PPA1: variants seen among roughly 807,000 people sequenced by gnomAD.
The protein encoded by PPA1 is inorganic pyrophosphatase.
PPA1 carries 23 observed loss-of-function variants against 41.8 expected under a neutral mutation model. That is an observed-to-expected ratio of 0.55 (90% CI 0.40 to 0.78). PPA1 has a LOEUF of 0.78. Among genes scored for constraint, PPA1 ranks in the 30% least tolerant of loss-of-function variants. PPA1 has a pLI of 0.00. For missense variants in PPA1, 320 were observed against 361.6 expected (o/e 0.89, Z 0.93); for synonymous variants, 101 against 116.8 (o/e 0.86, Z 0.87).
At chr10:70,215,318 G>A (rs1472475008) in intron 4 of PPA1, among the ~76,000 whole-genome samples, 1 of 152,054 alleles carries the variant, frequency 6.6e-6, no homozygotes, top group Non-Finnish European at 1.5e-5. Context: ...TCAAACTCCT[G>A]GGCTCAAGTG....
At chr10:70,228,172 T>C (rs575269751) in intron 2 of PPA1, among the ~76,000 whole-genome samples, 16 of 152,294 alleles carry the variant, frequency 1.1e-4, no homozygotes, top group South Asian at 4.1e-4. Context: ...GGCAGAGTCT[T>C]CCTTTGAGTA....
intron 10 of PPA1, 80 bp downstream of exon 10, chr10:70,204,793 G>T: frequency 8.0e-6 from 9 of 1,129,168 alleles, no homozygotes; most frequent in Non-Finnish European, 1.2e-5. Flanking sequence ...ATTATCATTT[G>T]TCAACTAAAA....
intron 2 of PPA1, among the ~76,000 whole-genome samples, chr10:70,222,120 G>C (rs2136765957): frequency 6.6e-6 from 1 of 152,094 alleles, no homozygotes; most frequent in South Asian, 2.1e-4. Flanking sequence ...CGGATTATGA[G>C]GTCAGGAGAT....
intron 2 of PPA1, among the ~76,000 whole-genome samples, chr10:70,227,548 G>T (rs1447917954): frequency 2.0e-5 from 3 of 151,718 alleles, no homozygotes; most frequent in Non-Finnish European, 2.9e-5. Flanking sequence ...CTATTCAGGA[G>T]GCTGGAGCAG....
rs1300608888 is a variant in PPA1 at position 70,213,655 on chromosome 10, G to A, written c.385-66C>T. 6 of 1,501,840 alleles carry A rather than the reference G, an allele frequency of 4.0e-6. No homozygotes were observed. The South Asian group carries it at 5.3e-5, about 13-fold the overall frequency. 93.0% of individuals were successfully genotyped at this position (1,501,840 alleles called of 1,614,324 possible). A position where few individuals can be genotyped will look rare whatever the true frequency, so the allele number is the denominator to read the frequency against. On this transcript the variant is annotated intron_variant, in intron 5 of 10. Coordinates refer to ENST00000373232, the MANE Select transcript of PPA1 (RefSeq NM_021129.4). ...CACACTCTAGAAGACAGTTTTACTT[G>A]GCTAACAGGAAATAAGAAAGAGGCC...
intron 1 of PPA1, 88 bp downstream of exon 1, chr10:70,233,176 G>C: frequency 4.3e-6 from 6 of 1,409,998 alleles, no homozygotes; most frequent in Non-Finnish European, 5.7e-6. Context: ...ACCTGGGGCC[G>C]AGCGCGGGCC....
At chr10:70,220,611 AT>A (rs35227652) in intron 2 of PPA1, among the ~76,000 whole-genome samples, 4 of 6,150 alleles carry the variant, frequency 6.5e-4, no homozygotes, top group African/African-American at 1.2e-3. Flanking sequence ...TTATATATAT[AT>A]TATATATAAT....
intron 2 of PPA1, among the ~76,000 whole-genome samples, chr10:70,219,505 C>G (rs1322409855): frequency 6.6e-6 from 1 of 152,152 alleles, no homozygotes; most frequent in African/African-American, 2.4e-5. Flanking sequence ...CCACATCAGC[C>G]TAATTACTTG....
chr10:70,217,614 TA>T (rs1203053112), intron 4 of PPA1, among the ~76,000 whole-genome samples, 197 bp downstream of exon 4: 1 of 152,256 alleles, frequency 6.6e-6, no homozygotes, highest in East Asian at 1.9e-4. Flanking sequence ...AATCTGAATT[TA>T]AACATTGTAA....
intron 4 of PPA1, 49 bp from the exon 5 acceptor site, chr10:70,214,635 G>A: frequency 7.0e-7 from 1 of 1,429,510 alleles, no homozygotes; most frequent in Non-Finnish European, 9.8e-7. Context: ...CTGACAAAAT[G>A]GATCATGTTG....
intron 2 of PPA1, among the ~76,000 whole-genome samples, chr10:70,228,952 G>A (rs1840259588): frequency 6.6e-6 from 1 of 152,164 alleles, no homozygotes; most frequent in African/African-American, 2.4e-5. Flanking sequence ...TGTTCGTGTT[G>A]TATATTGACA....
At position 70,203,194 on chromosome 10, in the gene PPA1, CAG is replaced by C; in HGVS notation, c.839-10_839-9del. 6.2e-7 allele frequency: 1 copy of C among 1,604,384 alleles called. No individual in the cohort carries two copies. Among genetic ancestry groups the C allele is most frequent in the Non-Finnish European group, 8.5e-7 (1 of 1,174,048 alleles). On this transcript the variant is annotated splice_polypyrimidine_tract_variant and intron_variant, in intron 10 of 10. Transcript: ENST00000373232. ...GATGGAACCACTTATCCACTGTATT[CAG>C]AGAAAAGAAAAACAAATTAGAATTC...
At chr10:70,222,335 C>CAAAAAAAAAAAAA (rs67974203) in intron 2 of PPA1, among the ~76,000 whole-genome samples, 1 of 73,166 alleles carries the variant, frequency 1.4e-5, no homozygotes, top group Non-Finnish European at 2.4e-5. Flanking sequence ...GACTCCGTCT[C>CAAAAAAAAAAAAA]AAAAAAAAAA....
intron 9 of PPA1, chr10:70,205,645 G>T (rs1333940472): frequency 6.6e-6 from 1 of 151,950 alleles, no homozygotes; most frequent in African/African-American, 2.4e-5. Context: ...TCATTAAATT[G>T]TCCTTTTTTC....
At chr10:70,203,527 C>T (rs11812833) in intron 10 of PPA1, 521 of 217,692 alleles carry the variant, frequency 2.4e-3, no homozygotes, top group Non-Finnish European at 3.1e-3. Context: ...CCTCAGTCTC[C>T]CCAGCAGCTG....
chr10:70,213,682 A>C (rs1840047343), intron 5 of PPA1, 93 bp from the exon 6 acceptor site: 1 of 1,408,452 alleles, frequency 7.1e-7, no homozygotes, highest in Non-Finnish European at 9.5e-7. Flanking sequence ...AAAGAGGCCA[A>C]GTTCTTGAGA....
chr10:70,230,608 C>A (rs1422926176), intron 1 of PPA1, among the ~76,000 whole-genome samples: 1 of 152,086 alleles, frequency 6.6e-6, no homozygotes, highest in African/African-American at 2.4e-5. Context: ...GCTGGAACTA[C>A]AGGCATGAGC....
chr10:70,218,904 G>A lies in PPA1; in HGVS notation c.124-87C>T, dbSNP rs1366277354. On this transcript the variant is annotated intron_variant, in intron 2 of 10. Coordinates refer to ENST00000373232, the MANE Select transcript of PPA1 (RefSeq NM_021129.4). ...GCACTATTTCTTCCAAAGTCAAACT[G>A]TTCATTGTATCAGATCTTTGAAGTC... 7 of 917,032 alleles carry A rather than the reference G, an allele frequency of 7.6e-6. No individual in the cohort carries two copies. The Admixed American group carries it at 1.4e-4, about 18-fold the overall frequency. 56.8% of individuals were successfully genotyped at this position (917,032 alleles called of 1,614,324 possible). A position where few individuals can be genotyped will look rare whatever the true frequency, so the allele number is the denominator to read the frequency against.
rs754672539 is a variant in PPA1 at position 70,209,646 on chromosome 10, T to G, written c.551A>C (p.Glu184Ala). The change falls in exon 7 of 11, where the codon GAA becomes GCA. Residue 184 changes from glutamate (E) to alanine (A), a missense_variant. Physicochemically the swap from Glu to Ala is moderately radical, Grantham distance 107 (BLOSUM62 -1). Transcript: ENST00000373232. ...CCTTCTAAACCAGTCCACAGTAGCT[T>G]CTAAGTAGCCAGGTTTCAGCCGTTT... ...DVKRLKPGYL[E>A]ATVDWFRRYK... 1 of 1,605,782 alleles carries G rather than the reference T, an allele frequency of 6.2e-7. No individual in the cohort carries two copies.
Sources: gnomAD v4.1 joint callset for allele counts (sites outside exome capture counted in the v4.1 genomes callset) on GRCh38, gnomAD v4.1.1 for gene constraint, MANE v1.5 for transcripts, NCBI Gene and HGNC (gene_info 2026-07-23, HGNC 2026-07-21) for gene names.